The following OPCML variants were observed in gnomAD, a reference collection of about 807,000 sequenced individuals.
OPCML encodes opioid-binding protein/cell adhesion molecule.
In OPCML, 13 loss-of-function variants were observed where a neutral mutation model predicts 37.8. The ratio of observed to expected loss-of-function variants is 0.34; its 90% CI spans 0.22 to 0.55. The LOEUF (loss-of-function observed/expected upper bound fraction) is 0.55. Ranked by LOEUF, OPCML falls within the 20% of genes least tolerant of loss-of-function variation. The probability of loss-of-function intolerance (pLI) is 0.91; values close to 1 mark genes in which losing one functional copy is unlikely to be tolerated. For missense variants in OPCML, 341 were observed against 435.6 expected (o/e 0.78, Z 1.93); for synonymous variants, 176 against 168.8 (o/e 1.04, Z -0.33).
At chr11:132,919,183 G>A (rs1944705048) in intron 2 of OPCML, among the ~76,000 whole-genome samples, 1 of 152,184 alleles carries the variant, frequency 6.6e-6, no homozygotes, top group African/African-American at 2.4e-5. Flanking sequence ...GCAAGAGAAA[G>A]CCAGGGCCTC....
At chr11:133,504,589 G>A (rs1947987310) in intron 1 of OPCML, among the ~76,000 whole-genome samples, 1 of 152,176 alleles carries the variant, frequency 6.6e-6, no homozygotes, top group African/African-American at 2.4e-5. Flanking sequence ...CGCACCTACT[G>A]GACAGAGCCA....
At chr11:133,216,448 C>T (rs1377401478) in intron 1 of OPCML, among the ~76,000 whole-genome samples, 1 of 152,188 alleles carries the variant, frequency 6.6e-6, no homozygotes, top group Non-Finnish European at 1.5e-5. Flanking sequence ...CCAGCCCCCA[C>T]CCTGATTTCT....
At chr11:132,650,188 C>A (rs1941356161) in intron 3 of OPCML, among the ~76,000 whole-genome samples, 1 of 152,198 alleles carries the variant, frequency 6.6e-6, no homozygotes, top group South Asian at 2.1e-4. Context: ...ACAGTCACCC[C>A]TAACTAGCAG....
At chr11:132,705,361 C>A (rs970578649) in intron 2 of OPCML, among the ~76,000 whole-genome samples, 1 of 151,962 alleles carries the variant, frequency 6.6e-6, no homozygotes, top group Non-Finnish European at 1.5e-5. Context: ...GAGGCTGAGG[C>A]AGGCAGATCA....
intron 2 of OPCML, among the ~76,000 whole-genome samples, chr11:132,900,817 G>C (rs1056912402): frequency 2.6e-5 from 4 of 152,028 alleles, no homozygotes; most frequent in Admixed American, 2.0e-4. Context: ...CTCTCAAATT[G>C]GCAACAGGCA....
At position 132,640,379 on chromosome 11, in the gene OPCML, G is replaced by T. The variant is rs185180855; in HGVS notation, c.379+16708C>A. ...CAAGAATTTACTTAGAGCCAAGGGA[G>T]AAAGGATTGGTCATTAGCATCAGCC... On this transcript the variant is annotated intron_variant, in intron 3 of 7. Coordinates refer to ENST00000524381, the MANE Select transcript of OPCML (RefSeq NM_001012393.5). 5.3e-5 allele frequency among the ~76,000 whole-genome samples: 8 copies of T among 152,284 alleles called. No homozygotes were observed. The South Asian group carries it at 1.0e-3, about 20-fold the overall frequency.
chr11:132,767,333 T>C (rs191302050), intron 2 of OPCML, among the ~76,000 whole-genome samples: 3 of 152,326 alleles, frequency 2.0e-5, no homozygotes, highest in East Asian at 1.9e-4. Context: ...GTGTTAGTAA[T>C]AGCCTTATTT....
chr11:132,434,699 A>C (rs2096007533), intron 7 of OPCML, among the ~76,000 whole-genome samples: 1 of 152,172 alleles, frequency 6.6e-6, no homozygotes, highest in Non-Finnish European at 1.5e-5. Flanking sequence ...TAATGATCCC[A>C]AGTACTTTTA....
At position 133,205,349 on chromosome 11, in the gene OPCML, C is replaced by T. The variant is rs1939018306; in HGVS notation, c.62-262339G>A. On this transcript the variant is annotated intron_variant, in intron 1 of 7. Transcript: ENST00000524381. The surrounding 1 kb of genome is among the most constrained non-coding windows in gnomAD (Gnocchi z 4.8). ...ACACCTCTTCCAGCCGGCTGCTCCC[C>T]TGTATCCTCTATTGATACACAGGCA... Among the ~76,000 whole-genome samples the T allele has an allele frequency of 6.6e-6, 1 of 152,186 alleles. No individual in the cohort carries two copies. The highest frequency in any genetic ancestry group is 2.4e-5 in the African/African-American group (1 of 41,460).
intron 1 of OPCML, among the ~76,000 whole-genome samples, chr11:132,958,328 A>G (rs2136713334): frequency 6.6e-6 from 1 of 152,366 alleles, no homozygotes; most frequent in East Asian, 1.9e-4. Context: ...CTGCAGAAGA[A>G]ATGTTTGAAG....
At chr11:132,900,255 C>G (rs1944003861) in intron 2 of OPCML, among the ~76,000 whole-genome samples, 1 of 152,124 alleles carries the variant, frequency 6.6e-6, no homozygotes, top group Non-Finnish European at 1.5e-5. Context: ...GTTCCACCAG[C>G]CATTCAATTA....
chr11:133,077,987 G>A (rs552381466), intron 1 of OPCML, among the ~76,000 whole-genome samples: 2 of 152,262 alleles, frequency 1.3e-5, no homozygotes, highest in East Asian at 3.9e-4. Flanking sequence ...TGGAAGCCGC[G>A]ATTCTAGGGA....
intron 2 of OPCML, among the ~76,000 whole-genome samples, chr11:132,821,260 C>T (rs886586562): frequency 3.9e-5 from 6 of 152,186 alleles, no homozygotes; most frequent in Non-Finnish European, 8.8e-5. Context: ...TGGGGCCCTT[C>T]CTCTCTCATT....
At chr11:132,906,071 T>C (rs186395688) in intron 2 of OPCML, among the ~76,000 whole-genome samples, 11 of 152,356 alleles carry the variant, frequency 7.2e-5, no homozygotes, top group Admixed American at 2.0e-4. Flanking sequence ...ATGTGACTTT[T>C]ATACACCATG....
chr11:133,423,108 T>A, intron 1 of OPCML: 1 of 985,444 alleles, frequency 1.0e-6, no homozygotes, highest in Non-Finnish European at 1.2e-6. Context: ...AGAAATGGGC[T>A]TCTATTTGCC....
intron 4 of OPCML, among the ~76,000 whole-genome samples, chr11:132,441,411 G>A (rs1592179236): frequency 6.6e-6 from 1 of 151,598 alleles, no homozygotes; most frequent in East Asian, 1.9e-4. Context: ...CTCGTGATCC[G>A]CCCGCCTCGG....
chr11:133,416,679 G>T (rs1169489089), intron 1 of OPCML, among the ~76,000 whole-genome samples: 2 of 152,178 alleles, frequency 1.3e-5, no homozygotes, highest in African/African-American at 4.8e-5. Flanking sequence ...CAGGTTGAAT[G>T]ATCACCCACT....
intron 2 of OPCML, among the ~76,000 whole-genome samples, chr11:132,913,078 C>T (rs1472792447): frequency 6.6e-6 from 1 of 152,162 alleles, no homozygotes; most frequent in Non-Finnish European, 1.5e-5. Flanking sequence ...TACATATTAC[C>T]ACAATCTCCT....
intron 1 of OPCML, among the ~76,000 whole-genome samples, chr11:133,264,778 AAG>A (rs1290373200): frequency 2.7e-5 from 4 of 149,544 alleles, no homozygotes; most frequent in African/African-American, 4.9e-5. Flanking sequence ...TAAAAAAAAA[AAG>A]TACGTGGTTA....
Sources: gnomAD v4.1 joint callset for allele counts (sites outside exome capture counted in the v4.1 genomes callset) on GRCh38, gnomAD v4.1.1 for gene constraint, Gnocchi (gnomAD v3.1) non-coding constraint, MANE v1.5 for transcripts, NCBI Gene and HGNC (gene_info 2026-07-23, HGNC 2026-07-21) for gene names.